Variants in ZBTB7C observed in about 807,000 individuals in gnomAD.
The protein encoded by ZBTB7C is zinc finger and BTB domain-containing protein 7C.
In ZBTB7C, 8 loss-of-function variants were observed where a neutral mutation model predicts 25.7. That is an observed-to-expected ratio of 0.31 (90% CI 0.18 to 0.56). The LOEUF is 0.56. Among genes scored for constraint, ZBTB7C ranks in the 20% least tolerant of loss-of-function variants. The pLI is 0.91. For synonymous variants in ZBTB7C, 394 were observed against 369.0 expected (o/e 1.07, Z -0.78); for missense variants, 824 against 855.2 (o/e 0.96, Z 0.46).
At position 48,040,010 on chromosome 18, in the gene ZBTB7C, G is replaced by A. The variant is rs150401295; in HGVS notation, c.1098C>T (p.Cys366=). The A allele has an allele frequency of 2.2e-4, 356 of 1,614,020 alleles. No homozygotes were observed. The highest frequency in any genetic ancestry group is 2.9e-4 in the Non-Finnish European group (345 of 1,180,050). ...RKLKPKASQQ[C]PICHKVIMGA... ...CCATGATGACTTTGTGGCAGATGGG[G>A]CACTGCTGAGAGGCCTTGGGCTTCA... Residue 366 remains cysteine (C), a synonymous_variant, in exon 4 of 5, where the codon TGC becomes TGT. Transcript: ENST00000590800.
At chr18:48,246,417 G>A (rs770031774) in intron 2 of ZBTB7C, among the ~76,000 whole-genome samples, 3 of 151,002 alleles carry the variant, frequency 2.0e-5, no homozygotes, top group Non-Finnish European at 2.9e-5. Flanking sequence ...GCAAGAGAGC[G>A]AGACTCTGTC....
chr18:48,171,714 T>C (rs1005750454), intron 3 of ZBTB7C, among the ~76,000 whole-genome samples: 6 of 152,170 alleles, frequency 3.9e-5, no homozygotes, highest in Non-Finnish European at 8.8e-5. Context: ...ACAGTAGGCA[T>C]CTGTGAATGA....
chr18:48,355,536 G>A (rs1446925976), intron 1 of ZBTB7C, among the ~76,000 whole-genome samples: 2 of 152,112 alleles, frequency 1.3e-5, no homozygotes, highest in Admixed American at 6.5e-5. Context: ...TTAGCCATTC[G>A]CTTCCGCACT....
intron 4 of ZBTB7C, among the ~76,000 whole-genome samples, chr18:48,039,000 G>T (rs1048933273): frequency 1.3e-5 from 2 of 152,206 alleles, no homozygotes; most frequent in African/African-American, 4.8e-5. Flanking sequence ...AGCCAAAGCT[G>T]GCAGTGGGCA....
At chr18:48,110,680 A>T (rs1465487960) in intron 3 of ZBTB7C, among the ~76,000 whole-genome samples, 1 of 152,204 alleles carries the variant, frequency 6.6e-6, no homozygotes, top group East Asian at 1.9e-4. Context: ...GAGAATTGCT[A>T]CATCTCGCCA....
chr18:48,092,873 G>GTT (rs2038470775), intron 3 of ZBTB7C, among the ~76,000 whole-genome samples: 1 of 152,186 alleles, frequency 6.6e-6, no homozygotes, highest in African/African-American at 2.4e-5. Context: ...GTTTTTATCG[G>GTT]TAGATAAAGG....
intron 3 of ZBTB7C, among the ~76,000 whole-genome samples, chr18:48,170,940 A>G (rs2041456132): frequency 6.6e-6 from 1 of 152,144 alleles, no homozygotes; most frequent in Non-Finnish European, 1.5e-5. Flanking sequence ...CCCACAGGGC[A>G]GGGACCCTTC....
chr18:48,155,770 A>G (rs2040824182), intron 3 of ZBTB7C, among the ~76,000 whole-genome samples: 1 of 151,752 alleles, frequency 6.6e-6, no homozygotes, highest in Non-Finnish European at 1.5e-5. Flanking sequence ...TCTATATTTC[A>G]CTCCTCTGGG....
At chr18:48,202,137 C>T (rs746469169) in intron 2 of ZBTB7C, among the ~76,000 whole-genome samples, 2 of 152,206 alleles carry the variant, frequency 1.3e-5, no homozygotes, top group Admixed American at 6.5e-5. Flanking sequence ...TTCCTGCTCA[C>T]GCTCAGGCAC....
rs2047398562 is a variant in ZBTB7C at position 48,371,928 on chromosome 18, G to GGACCTACTGAGTGC, written c.-303-33544_-303-33531dup. On this transcript the variant is annotated intron_variant, in intron 1 of 4. Coordinates refer to ENST00000590800, the MANE Select transcript of ZBTB7C (RefSeq NM_001318841.2). ...CACTCACTCCACACATGTTAACTGA[G>GGACCTACTGAGTGC]GACCTACTGAGTGCCAGGGGCTTGG... is the stretch of plus-strand genomic sequence containing the variant. Among the ~76,000 whole-genome samples the GGACCTACTGAGTGC allele has an allele frequency of 2.0e-5, 3 of 152,134 alleles. No homozygotes were observed. In the South Asian group the frequency reaches 6.2e-4, roughly 32 times the overall value.
intron 2 of ZBTB7C, among the ~76,000 whole-genome samples, chr18:48,257,950 C>A (rs980106599): frequency 1.3e-5 from 2 of 152,178 alleles, no homozygotes; most frequent in African/African-American, 4.8e-5. Flanking sequence ...AGGAGGATCA[C>A]CTGAGCCCAG....
intron 3 of ZBTB7C, among the ~76,000 whole-genome samples, chr18:48,167,684 C>T (rs2041314605): frequency 6.6e-6 from 1 of 152,016 alleles, no homozygotes. Context: ...TTGCCAGAAA[C>T]AATGAATTAG....
intron 3 of ZBTB7C, among the ~76,000 whole-genome samples, chr18:48,161,314 G>A (rs1568267240): frequency 6.6e-6 from 1 of 152,038 alleles, no homozygotes; most frequent in African/African-American, 2.4e-5. Context: ...GAAAGAGCTG[G>A]TGCCTCCCTT....
intron 3 of ZBTB7C, among the ~76,000 whole-genome samples, chr18:48,167,613 C>T (rs999732930): frequency 7.2e-5 from 6 of 82,862 alleles, no homozygotes; most frequent in Admixed American, 1.3e-4. Flanking sequence ...CGTGCACACG[C>T]GCATGCGCCA....
intron 2 of ZBTB7C, among the ~76,000 whole-genome samples, chr18:48,318,993 T>C (rs552697779): frequency 9.9e-5 from 15 of 151,390 alleles, no homozygotes; most frequent in Non-Finnish European, 8.9e-5. Flanking sequence ...AATAGAGAGA[T>C]GGACAGAGGG....
intron 2 of ZBTB7C, among the ~76,000 whole-genome samples, chr18:48,316,378 G>A (rs959762230): frequency 6.6e-6 from 1 of 152,180 alleles, no homozygotes; most frequent in Non-Finnish European, 1.5e-5. Flanking sequence ...CCCCTAGCCT[G>A]AGCAGGCAAA....
chr18:48,378,519 C>T (rs987988541), intron 1 of ZBTB7C, among the ~76,000 whole-genome samples: 2 of 152,184 alleles, frequency 1.3e-5, no homozygotes, highest in African/African-American at 2.4e-5. Flanking sequence ...AAAGGCCCAA[C>T]CAGATGGTTC....
At chr18:48,277,770 T>C (rs551989267) in intron 2 of ZBTB7C, among the ~76,000 whole-genome samples, 2 of 151,986 alleles carry the variant, frequency 1.3e-5, no homozygotes, top group South Asian at 4.2e-4. Flanking sequence ...TAGACAAACA[T>C]AGTGGTTTAT....
At position 48,349,917 on chromosome 18, in the gene ZBTB7C, G is replaced by A. The variant is rs1435209014; in HGVS notation, c.-303-11519C>T. ...GCCCCTGCACCTAGCACAGTGCCTG[G>A]CCTGTAATGGGAATGCCACCTGCCC... On this transcript the variant is annotated intron_variant, in intron 1 of 4. Transcript: ENST00000590800. 2.6e-5 allele frequency among the ~76,000 whole-genome samples: 4 copies of A among 152,160 alleles called. No homozygotes were observed. In the East Asian group the frequency reaches 7.7e-4, roughly 29 times the overall value.
Sources: allele counts gnomAD v4.1 joint callset (sites outside exome capture counted in the v4.1 genomes callset), GRCh38; gene constraint gnomAD v4.1.1; transcripts MANE v1.5; gene names NCBI Gene and HGNC (gene_info 2026-07-23, HGNC 2026-07-21).